PDZRN3: variants seen among roughly 807,000 people sequenced by gnomAD.
The protein encoded by PDZRN3 is E3 ubiquitin-protein ligase PDZRN3.
A neutral mutation model predicts 85.7 loss-of-function variants in PDZRN3; 38 were observed. The observed-to-expected ratio is 0.44, with a 90% confidence interval of 0.34 to 0.58. PDZRN3 has a LOEUF of 0.58. Ranked by LOEUF, PDZRN3 falls within the 20% of genes least tolerant of loss-of-function variation. The pLI is 0.01. For synonymous variants in PDZRN3, 759 were observed against 638.0 expected (o/e 1.19, Z -2.86); for missense variants, 1,629 against 1,506.4 (o/e 1.08, Z -1.35).
Position 73,416,876 on chromosome 3 carries a change from G to GTTTTT in PDZRN3, c.919-12486_919-12482dup, listed in dbSNP as rs146381615. On this transcript the variant is annotated intron_variant, in intron 3 of 9. Transcript: ENST00000263666. ...TTTTTTTTTTGTTTGTTTTTTTTTG[G>GTTTTT]TTTTTTTTTTTTTTTTTTTTTTTTT... Among the ~76,000 whole-genome samples the GTTTTT allele has an allele frequency of 2.4e-3, 261 of 110,290 alleles. 7 individuals are homozygous for GTTTTT. Among genetic ancestry groups the GTTTTT allele is most frequent in the Non-Finnish European group, 3.3e-3 (183 of 54,856 alleles). 72.4% of individuals were successfully genotyped at this position (110,290 alleles called of 152,430 possible).
intron 3 of PDZRN3, among the ~76,000 whole-genome samples, chr3:73,471,775 G>A (rs547191821): frequency 1.3e-5 from 2 of 152,330 alleles, no homozygotes; most frequent in African/African-American, 4.8e-5. Context: ...CCTGGCTTTA[G>A]CCCCTTCCGT....
intron 3 of PDZRN3, among the ~76,000 whole-genome samples, chr3:73,560,526 T>C (rs758149027): frequency 6.6e-6 from 1 of 152,236 alleles, no homozygotes; most frequent in Non-Finnish European, 1.5e-5. Flanking sequence ...ATCATTTAAA[T>C]ATACCTGCTC....
chr3:73,598,920 G>A (rs1702471419), intron 3 of PDZRN3, among the ~76,000 whole-genome samples: 2 of 152,138 alleles, frequency 1.3e-5, no homozygotes, highest in Admixed American at 6.6e-5. Flanking sequence ...AATCTGCAGG[G>A]GCATTTTTCA....
chr3:73,584,371 T>G (rs1702245902), intron 3 of PDZRN3, among the ~76,000 whole-genome samples: 1 of 151,944 alleles, frequency 6.6e-6, no homozygotes. Flanking sequence ...CACTTTGGAG[T>G]TGAACTTGAG....
intron 3 of PDZRN3, among the ~76,000 whole-genome samples, chr3:73,486,137 T>C (rs1277469792): frequency 6.6e-6 from 1 of 152,086 alleles, no homozygotes; most frequent in Non-Finnish European, 1.5e-5. Context: ...AGAGACTGCA[T>C]AGTGAAGGAA....
chr3:73,539,870 CT>C (rs1445058899), intron 3 of PDZRN3, among the ~76,000 whole-genome samples: 2 of 151,894 alleles, frequency 1.3e-5, no homozygotes, highest in Non-Finnish European at 2.9e-5. Flanking sequence ...CTGAAAACAA[CT>C]TTTAAGATTA....
chr3:73,509,372 A>C (rs1415119100), intron 3 of PDZRN3, among the ~76,000 whole-genome samples: 2 of 152,224 alleles, frequency 1.3e-5, no homozygotes, highest in Non-Finnish European at 2.9e-5. Flanking sequence ...TCAGCCCTTT[A>C]GGTGCAGAAA....
chr3:73,560,398 C>T (rs984122825), intron 3 of PDZRN3, among the ~76,000 whole-genome samples: 49 of 152,242 alleles, frequency 3.2e-4, no homozygotes, highest in African/African-American at 1.1e-3. Flanking sequence ...TCCTCATCCC[C>T]CAACTATATA....
At chr3:73,610,530 T>C (rs545163572) in intron 1 of PDZRN3, among the ~76,000 whole-genome samples, 2 of 152,240 alleles carry the variant, frequency 1.3e-5, no homozygotes, top group Non-Finnish European at 2.9e-5. Flanking sequence ...AAACAGTTTA[T>C]GTCTTTCTAC....
intron 3 of PDZRN3, among the ~76,000 whole-genome samples, chr3:73,449,266 T>A (rs1702810975): frequency 6.6e-6 from 1 of 152,018 alleles, no homozygotes; most frequent in Admixed American, 6.6e-5. Context: ...ACTGTCAAAC[T>A]CGGCGAGGAA....
chr3:73,475,474 C>T (rs1321199344), intron 3 of PDZRN3, among the ~76,000 whole-genome samples: 1 of 152,156 alleles, frequency 6.6e-6, no homozygotes, highest in Non-Finnish European at 1.5e-5. Context: ...ACTCTGAACC[C>T]ATTATGTTTT....
chr3:73,445,388 A>G (rs1702726627), intron 3 of PDZRN3, among the ~76,000 whole-genome samples: 1 of 152,214 alleles, frequency 6.6e-6, no homozygotes, highest in Non-Finnish European at 1.5e-5. Context: ...AGCTAGTTTA[A>G]TATTTTAAAG....
intron 3 of PDZRN3, among the ~76,000 whole-genome samples, chr3:73,422,725 A>ACAGC (rs1205508864): frequency 2.0e-5 from 3 of 152,160 alleles, no homozygotes; most frequent in Admixed American, 6.5e-5. Context: ...TCTTTGGGGA[A>ACAGC]CAGCCACTAC....
chr3:73,560,372 C>T (rs551967338), intron 3 of PDZRN3, among the ~76,000 whole-genome samples: 44 of 152,172 alleles, frequency 2.9e-4, no homozygotes, highest in African/African-American at 9.2e-4. Context: ...CAGAATTCAA[C>T]CTCGAGGCTG....
intron 3 of PDZRN3, among the ~76,000 whole-genome samples, chr3:73,552,257 T>C (rs950982964): frequency 7.0e-6 from 1 of 143,476 alleles, no homozygotes; most frequent in Non-Finnish European, 1.5e-5. Flanking sequence ...TGTGTGTGTG[T>C]GTACCCAAAC....
At chr3:73,578,351 T>A (rs1232827528) in intron 3 of PDZRN3, among the ~76,000 whole-genome samples, 1 of 152,010 alleles carries the variant, frequency 6.6e-6, no homozygotes, top group East Asian at 1.9e-4. Context: ...TGTATTTTTT[T>A]ATTAGAGACG....
At chr3:73,404,058 T>G in intron 4 of PDZRN3, 90 bp downstream of exon 4, 1 of 1,251,724 alleles carries the variant, frequency 8.0e-7, no homozygotes, top group Non-Finnish European at 1.1e-6. Flanking sequence ...AACTATAGGG[T>G]GCATTAATTT....
At chr3:73,476,160 G>C (rs1444759936) in intron 3 of PDZRN3, among the ~76,000 whole-genome samples, 1 of 152,144 alleles carries the variant, frequency 6.6e-6, no homozygotes, top group Non-Finnish European at 1.5e-5. Flanking sequence ...TTGCTATAAG[G>C]AACTACCTGA....
At position 73,384,037 on chromosome 3, in the gene PDZRN3, G is replaced by A. The variant is rs752483040; in HGVS notation, c.2529C>T (p.Ser843=). The A allele has an allele frequency of 2.7e-5, 43 of 1,596,796 alleles. No homozygotes were observed. In the East Asian group the frequency reaches 9.2e-4, roughly 34 times the overall value. ...TGGGCGTGGGGCTCCGGCTCCCGTC[G>A]CTGGCTCTCCGCTCTTTGCTTTCCA... The part of the protein sequence containing the change: ...QPLESKERRA[S]DGSRSPTPSQ... Residue 843 remains serine, a synonymous_variant, in exon 10 of 10, where the codon AGC becomes AGT. Transcript: ENST00000263666.
Sources: gnomAD v4.1 joint callset for allele counts (sites outside exome capture counted in the v4.1 genomes callset) on GRCh38, gnomAD v4.1.1 for gene constraint, MANE v1.5 for transcripts, NCBI Gene and HGNC (gene_info 2026-07-23, HGNC 2026-07-21) for gene names.